The following ADARB2 variants were observed in gnomAD, a reference collection of about 807,000 sequenced individuals.
ADARB2 encodes inactive double-stranded RNA-specific editase B2.
A neutral mutation model predicts 62.2 loss-of-function variants in ADARB2; 25 were observed. The observed-to-expected ratio is 0.40, with a 90% CI of 0.29 to 0.56. ADARB2 has a LOEUF of 0.56. Among genes scored for constraint, ADARB2 ranks in the 20% least tolerant of loss-of-function variants. The pLI, the probability that ADARB2 is intolerant of heterozygous loss-of-function variation, is 0.43. For synonymous variants in ADARB2, 572 were observed against 500.8 expected (o/e 1.14, Z -1.90); for missense variants, 1,071 against 1,077.4 (o/e 0.99, Z 0.08).
chr10:1,654,426 C>T (rs1027596855), intron 1 of ADARB2, among the ~76,000 whole-genome samples: 2 of 152,204 alleles, frequency 1.3e-5, no homozygotes, highest in South Asian at 4.1e-4. Flanking sequence ...TGGAGACCAC[C>T]TAGACCCTCC....
intron 1 of ADARB2, among the ~76,000 whole-genome samples, chr10:1,443,430 A>T (rs963008354): frequency 2.0e-5 from 3 of 152,152 alleles, no homozygotes; most frequent in African/African-American, 7.2e-5. Flanking sequence ...AATATTATAC[A>T]GTTTTTGGTC....
At chr10:1,677,846 C>T (rs1448725121) in intron 1 of ADARB2, among the ~76,000 whole-genome samples, 1 of 152,196 alleles carries the variant, frequency 6.6e-6, no homozygotes, top group Non-Finnish European at 1.5e-5. Context: ...TGCTGAGGGA[C>T]AGCCGGCAGG....
chr10:1,512,832 C>T (rs967921681), intron 1 of ADARB2, among the ~76,000 whole-genome samples: 1 of 152,146 alleles, frequency 6.6e-6, no homozygotes, highest in African/African-American at 2.4e-5. Context: ...ATGCCAGGGA[C>T]ACATCTGGAG....
chr10:1,256,798 A>T (rs1002127867), intron 4 of ADARB2, among the ~76,000 whole-genome samples: 3 of 152,154 alleles, frequency 2.0e-5, no homozygotes, highest in East Asian at 1.9e-4. Context: ...TGAAAAGTCT[A>T]TTAAAAGTCT....
intron 1 of ADARB2, among the ~76,000 whole-genome samples, chr10:1,726,583 C>A (rs1371719095): frequency 6.6e-6 from 1 of 152,120 alleles, no homozygotes; most frequent in East Asian, 1.9e-4. Context: ...GAGATGCCGT[C>A]CTTGGTCACG....
At chr10:1,185,712 G>A (rs1410158313) in intron 8 of ADARB2, among the ~76,000 whole-genome samples, 1 of 152,220 alleles carries the variant, frequency 6.6e-6, no homozygotes, top group Non-Finnish European at 1.5e-5. Context: ...GTGCCTGTGT[G>A]AGCTGCAGGG....
At position 1,272,282 on chromosome 10, in the gene ADARB2, A is replaced by G. The variant is rs543161750; in HGVS notation, c.1078-1213T>C. ...CTGTGCAGCATTGGGCCTGGTTTCC[A>G]CATTTCCACCGGGCGTGTGTGGACG... is the stretch of plus-strand genomic sequence containing the variant. On this transcript the variant is annotated intron_variant, in intron 3 of 9. Coordinates refer to ENST00000381312, the MANE Select transcript of ADARB2 (RefSeq NM_018702.4). Among the ~76,000 whole-genome samples, 4 of 152,276 alleles carry G rather than the reference A, an allele frequency of 2.6e-5. 1 individual carries two copies. In the South Asian group the frequency reaches 8.3e-4, roughly 32 times the overall value.
intron 4 of ADARB2, among the ~76,000 whole-genome samples, chr10:1,256,636 A>G (rs569667043): frequency 1.3e-5 from 2 of 152,288 alleles, no homozygotes; most frequent in African/African-American, 2.4e-5. Flanking sequence ...AGCTTATGAG[A>G]AGGTTATTAG....
chr10:1,620,250 T>C (rs1049055275), intron 1 of ADARB2, among the ~76,000 whole-genome samples: 1 of 151,996 alleles, frequency 6.6e-6, no homozygotes, highest in East Asian at 1.9e-4. Context: ...GACCGACCAG[T>C]AATAAAAGAC....
At chr10:1,435,085 G>C (rs7910730) in intron 1 of ADARB2, among the ~76,000 whole-genome samples, 1 of 152,228 alleles carries the variant, frequency 6.6e-6, no homozygotes, top group African/African-American at 2.4e-5. Flanking sequence ...GGGTCCCCTG[G>C]GAGGCCGTGG....
chr10:1,555,051 C>T (rs1296222874), intron 1 of ADARB2, among the ~76,000 whole-genome samples: 4 of 152,156 alleles, frequency 2.6e-5, no homozygotes, highest in African/African-American at 4.8e-5. Flanking sequence ...GCAAAGGACA[C>T]GATTTCATTC....
Position 1,190,127 on chromosome 10 carries a change from T to C in ADARB2, c.1865-5088A>G, listed in dbSNP as rs542498440. On this transcript the variant is annotated intron_variant, in intron 8 of 9. Transcript: ENST00000381312. ...AGGAGAAATGCGTCCTCCTGAGAAA[T>C]TGCACGCAGGAGTCTGAACTCAGAA... Among the ~76,000 whole-genome samples, 6 of 151,432 alleles carry C rather than the reference T, an allele frequency of 4.0e-5. No individual in the cohort carries two copies. In the East Asian group the frequency reaches 9.7e-4, roughly 24 times the overall value.
At chr10:1,271,714 C>A (rs1831265060) in intron 3 of ADARB2, among the ~76,000 whole-genome samples, 1 of 152,238 alleles carries the variant, frequency 6.6e-6, no homozygotes, top group Non-Finnish European at 1.5e-5. Flanking sequence ...TAAGGTGACT[C>A]CTGGTCTCTG....
chr10:1,663,425 G>A (rs1489140630), intron 1 of ADARB2, among the ~76,000 whole-genome samples: 5 of 152,158 alleles, frequency 3.3e-5, no homozygotes, highest in Admixed American at 2.6e-4. Flanking sequence ...AACGCCCTCC[G>A]TGCTCCGCCT....
intron 1 of ADARB2, among the ~76,000 whole-genome samples, chr10:1,437,484 C>A (rs1032341215): frequency 6.6e-6 from 1 of 152,126 alleles, no homozygotes; most frequent in African/African-American, 2.4e-5. Context: ...CACGCAGCCA[C>A]GGGTTTATTA....
At position 1,265,626 on chromosome 10, in the gene ADARB2, T is replaced by C. The variant is rs1483791773; in HGVS notation, c.1192+5329A>G. On this transcript the variant is annotated intron_variant, in intron 4 of 9. Transcript: ENST00000381312. Reference sequence around the variant, plus strand: ...CGGCCTGAGAGGGGGGCCCAGGCTCTCCCGGAAGACGGCCTGAGCCAGGTC... The same window carrying C: ...CGGCCTGAGAGGGGGGCCCAGGCTCCCCCGGAAGACGGCCTGAGCCAGGTC... Among the ~76,000 whole-genome samples, 344 of 79,950 alleles carry C rather than the reference T, an allele frequency of 4.3e-3. 1 individual carries two copies. Among genetic ancestry groups the C allele is most frequent in the African/African-American group, 6.3e-3 (106 of 16,862 alleles). 52.5% of individuals were successfully genotyped at this position (79,950 alleles called of 152,430 possible). A position where few individuals can be genotyped will look rare whatever the true frequency, so the allele number is the denominator to read the frequency against.
At chr10:1,298,904 T>C (rs1211717544) in intron 3 of ADARB2, among the ~76,000 whole-genome samples, 1 of 151,274 alleles carries the variant, frequency 6.6e-6, no homozygotes, top group Non-Finnish European at 1.5e-5. Context: ...CATGCCCGGT[T>C]AAGTTTTTAT....
chr10:1,597,849 T>C (rs1365493499), intron 1 of ADARB2, among the ~76,000 whole-genome samples: 2 of 152,240 alleles, frequency 1.3e-5, no homozygotes, highest in Non-Finnish European at 2.9e-5. Flanking sequence ...CTACTCATAA[T>C]AGCAGAGCAT....
At position 1,666,736 on chromosome 10, in the gene ADARB2, G is replaced by A. The variant is rs549068787; in HGVS notation, c.100+70315C>T. ...CTGGAAATGCGGGAACCCACACGCA[G>A]CTCATCCACCCATAGGCTCTGACAT... On this transcript the variant is annotated intron_variant, in intron 1 of 9. Coordinates refer to ENST00000381312, the MANE Select transcript of ADARB2 (RefSeq NM_018702.4). Among the ~76,000 whole-genome samples the A allele has an allele frequency of 2.2e-4, 33 of 152,318 alleles. No individual in the cohort carries two copies. The South Asian group carries it at 6.6e-3, about 31-fold the overall frequency.
Sources: allele counts gnomAD v4.1 joint callset (sites outside exome capture counted in the v4.1 genomes callset), GRCh38; gene constraint gnomAD v4.1.1; transcripts MANE v1.5; gene names NCBI Gene and HGNC (gene_info 2026-07-23, HGNC 2026-07-21).